The following POLL variants were observed in gnomAD, a reference collection of about 807,000 sequenced individuals.
POLL encodes DNA polymerase lambda.
Under a neutral mutation model 58.1 loss-of-function variants are expected in POLL, and 44 were observed. The ratio of observed to expected loss-of-function variants is 0.76; its 90% CI spans 0.60 to 0.97. POLL has a LOEUF of 0.97. Among genes scored for constraint, POLL ranks in the 50% least tolerant of loss-of-function variants. The probability of loss-of-function intolerance (pLI) is 0.00; values close to 1 mark genes in which losing one functional copy is unlikely to be tolerated. For synonymous variants in POLL, 290 were observed against 283.2 expected (o/e 1.02, Z -0.24); for missense variants, 632 against 736.8 (o/e 0.86, Z 1.65).
At chr10:101,585,835 T>C (rs771441454) in intron 3 of POLL, 27 bp downstream of exon 3, 2 of 1,502,174 alleles carry the variant, frequency 1.3e-6, no homozygotes, top group Non-Finnish European at 1.8e-6. Context: ...TAGAAAACAT[T>C]TGAAAAAAAG....
Position 101,585,308 on chromosome 10 carries a change from C to G in POLL, c.573+8G>C, listed in dbSNP as rs753733234. The G allele has an allele frequency of 6.5e-7, 1 of 1,537,900 alleles. No individual in the cohort carries two copies. The highest frequency in any genetic ancestry group is 2.3e-5 in the East Asian group (1 of 43,234). On this transcript the variant is annotated splice_region_variant and intron_variant, in intron 4 of 8. Coordinates refer to ENST00000370162, the MANE Select transcript of POLL (RefSeq NM_001174084.2). ...GAAGGGAGTTCTGAGGGATGGGAGG[C>G]TCCTGACCTGGGCTTGGGTGTTTGG... is the stretch of plus-strand genomic sequence containing the variant.
rs1217631497 is a variant in POLL, at chr10:101,580,588, C to A, written c.1195-172G>T. On this transcript the variant is annotated intron_variant, in intron 7 of 8. Coordinates refer to ENST00000370162, the MANE Select transcript of POLL (RefSeq NM_001174084.2). The surrounding 1 kb of genome is among the most constrained non-coding windows in gnomAD (Gnocchi z 4.1). ...GAGGAGCTGCTGTTCTTTCCCTTCG[C>A]TAGGACAGGAGAGAAGAAAAAGCTC... 6.6e-6 allele frequency: 4 copies of A among 604,896 alleles called. No individual in the cohort carries two copies. The highest frequency in any genetic ancestry group is 3.0e-5 in the Admixed American group (1 of 33,144). The allele number at this position is 604,896 out of a possible 1,614,324, so 37.5% of individuals were successfully genotyped here. A position where few individuals can be genotyped will look rare whatever the true frequency, so the allele number is the denominator to read the frequency against.
At position 101,579,430 on chromosome 10, in the gene POLL, T is replaced by C; in HGVS notation, c.*23A>G. ...AGGGGTAGCCAGTCCAACTCGGCTC[T>C]CCTCAGCACCCCCAGCCATGGGTCA... On this transcript the variant is annotated 3_prime_UTR_variant, in exon 9 of 9. Transcript: ENST00000370162. The surrounding 1 kb of genome is among the most constrained non-coding windows in gnomAD (Gnocchi z 4.4). 6.3e-7 allele frequency: 1 copy of C among 1,579,202 alleles called. No individual in the cohort carries two copies. Among genetic ancestry groups the C allele is most frequent in the Non-Finnish European group, 8.6e-7 (1 of 1,165,196 alleles).
chr10:101,586,533 G>A (rs965179633), intron 2 of POLL, among the ~76,000 whole-genome samples: 8 of 151,942 alleles, frequency 5.3e-5, no homozygotes, highest in Non-Finnish European at 1.0e-4. Context: ...TCACTCTGTC[G>A]CCCAGGCTGG....
At position 101,587,691 on chromosome 10, in the gene POLL, A is replaced by G. The variant is rs1272186903; in HGVS notation, c.-47+131T>C. The G allele has an allele frequency of 4.8e-6, 5 of 1,047,826 alleles. No individual in the cohort carries two copies. The Admixed American group carries it at 1.8e-4, about 38-fold the overall frequency. The allele number at this position is 1,047,826 out of a possible 1,614,324, so 64.9% of individuals were successfully genotyped here. On this transcript the variant is annotated intron_variant, in intron 1 of 8. Transcript: ENST00000370162. ...CTCAGAGGGGTTGCGCTAAAGATTC[A>G]GCACAGCCCTGCTGCGGCCCACTTC...
rs56381759 is a variant in POLL at position 101,587,634 on chromosome 10, G to C, written c.-47+188C>G. On this transcript the variant is annotated intron_variant, in intron 1 of 8. Coordinates refer to ENST00000370162, the MANE Select transcript of POLL (RefSeq NM_001174084.2). ...GAGGGGAAGGCTGGTGCCATCGGGG[G>C]TACTTTTGAGGAGTAGGAAACGACA... 1.5e-5 allele frequency: 15 copies of C among 968,692 alleles called. No homozygotes were observed. The Admixed American group carries it at 2.0e-4, about 13-fold the overall frequency. The allele number at this position is 968,692 out of a possible 1,614,324, so 60.0% of individuals were successfully genotyped here.
Position 101,579,575 on chromosome 10 carries a change from C to T in POLL, c.1606G>A (p.Val536Met), listed in dbSNP as rs544757979. The T allele has an allele frequency of 1.5e-5, 25 of 1,614,036 alleles. 1 individual carries two copies. The highest frequency in any genetic ancestry group is 8.3e-5 in the Admixed American group (5 of 60,028). ...TTGCAGCCATGGGTGTTCCGGACCA[C>T]AGCAGTGCTGAGGGCATGTTCTGAC... is the stretch of plus-strand genomic sequence containing the variant. ...SLSEHALSTA[V>M]VRNTHGCKVG... The change falls in exon 9 of 9, where the codon GTG (valine) becomes ATG (methionine). Residue 536 changes from valine (V) to methionine (M), a missense_variant. Physicochemically the swap from Val to Met is conservative, Grantham distance 21. Transcript: ENST00000370162. This position sits in a 1 kb window ranked among gnomAD's most constrained non-coding sequence, Gnocchi z 4.4.
In POLL at chr10:101,579,497, G is replaced by A. The variant is rs1233366741; in HGVS notation, c.1684C>T (p.Leu562Phe). Residue 562 changes from leucine (L) to phenylalanine (F), a missense_variant, in exon 9 of 9, where the codon CTC becomes TTC. By Grantham distance (22) the Leu-to-Phe change is conservative (BLOSUM62 0). Coordinates refer to ENST00000370162, the MANE Select transcript of POLL (RefSeq NM_001174084.2). The surrounding 1 kb of genome is among the most constrained non-coding windows in gnomAD (Gnocchi z 4.4). ...PTPTEKDVFR[L>F]LGLPYREPAE... ...GGTTCTCGGTAGGGGAGGCCTAAGA[G>A]CCTGAAGACATCCTTCTCAGTGGGA... is the stretch of plus-strand genomic sequence containing the variant. 1 of 1,613,394 alleles carries A rather than the reference G, an allele frequency of 6.2e-7. No individual in the cohort carries two copies. The highest frequency in any genetic ancestry group is 1.7e-5 in the Admixed American group (1 of 60,010).
Position 101,582,848 on chromosome 10 carries a change from G to A in POLL, c.1109C>T (p.Thr370Ile). The stretch of plus-strand genomic sequence containing the variant: ...CTTCAGGCCGATGGCCTGCTGGGTT[G>A]TCAGGGAGGCCTGGCTGCGGATGTC... ...LEDIRSQASL[T>I]TQQAIGLKHY... Residue 370 changes from threonine (T) to isoleucine (I), a missense_variant, in exon 7 of 9, where the codon ACA becomes ATA. Transcript: ENST00000370162. The A allele has an allele frequency of 6.2e-7, 1 of 1,614,196 alleles. No individual in the cohort carries two copies. Among genetic ancestry groups the A allele is most frequent in the Non-Finnish European group, 8.5e-7 (1 of 1,179,990 alleles).
intron 3 of POLL, 68 bp from the exon 4 acceptor site, chr10:101,585,546 G>A: frequency 7.4e-7 from 1 of 1,344,596 alleles, no homozygotes; most frequent in Non-Finnish European, 1.0e-6. Flanking sequence ...CAGTCCTTCT[G>A]TACTCTGAAA....
chr10:101,580,187 G>T lies in POLL; in HGVS notation c.1363+61C>A. The T allele has an allele frequency of 6.8e-7, 1 of 1,472,564 alleles. No individual in the cohort carries two copies. Among genetic ancestry groups the T allele is most frequent in the Non-Finnish European group, 9.2e-7 (1 of 1,082,536 alleles). 91.2% of individuals were successfully genotyped at this position (1,472,564 alleles called of 1,614,324 possible). ...GGAACTTCTGAGGTTCTCCCTCTGA[G>T]GGGGCCCCCAGACCTGTGCTGCCCT... On this transcript the variant is annotated intron_variant, in intron 8 of 8. Coordinates refer to ENST00000370162, the MANE Select transcript of POLL (RefSeq NM_001174084.2). The surrounding 1 kb of genome is among the most constrained non-coding windows in gnomAD (Gnocchi z 4.1).
At position 101,580,482 on chromosome 10, in the gene POLL, A is replaced by G. The variant is rs2062926207; in HGVS notation, c.1195-66T>C. On this transcript the variant is annotated intron_variant, in intron 7 of 8. Transcript: ENST00000370162. The surrounding 1 kb of genome is among the most constrained non-coding windows in gnomAD (Gnocchi z 4.1). ...GGAGCTCCTCTCCCACAGCAGTACA[A>G]GGGCCTTCCCAGACTCGGGCCCACA... The G allele has an allele frequency of 2.1e-6, 3 of 1,457,802 alleles. No individual in the cohort carries two copies. The highest frequency in any genetic ancestry group is 1.2e-5 in the South Asian group (1 of 82,652). The allele number at this position is 1,457,802 out of a possible 1,614,324, so 90.3% of individuals were successfully genotyped here.
At position 101,580,715 on chromosome 10, in the gene POLL, A is replaced by G. The variant is rs199502098; in HGVS notation, c.1195-299T>C. On this transcript the variant is annotated intron_variant, in intron 7 of 8. Coordinates refer to ENST00000370162, the MANE Select transcript of POLL (RefSeq NM_001174084.2). This position sits in a 1 kb window ranked among gnomAD's most constrained non-coding sequence, Gnocchi z 4.1. ...CCTGTGGAGCTCTTTAAGAGTAGGG[A>G]GACACAGACTCTCTCTGCCCCTGCC... The G allele has an allele frequency of 1.7e-4, 51 of 302,148 alleles. No homozygotes were observed. In the East Asian group the frequency reaches 3.5e-3, roughly 21 times the overall value. 18.7% of individuals were successfully genotyped at this position (302,148 alleles called of 1,614,324 possible).
At position 101,584,664 on chromosome 10, in the gene POLL, G is replaced by T. The variant is rs372482299; in HGVS notation, c.829C>A (p.Leu277Met). ...GCATTGATGGCCTTGGCATAGCCCA[G>T]GGCCCTCCACTTGTCTCCCTGAACA... ...YSVQGDKWRA[L>M]GYAKAINALK... Residue 277 changes from leucine to methionine, a missense_variant, in exon 5 of 9, where the codon CTG (leucine) becomes ATG (methionine). Transcript: ENST00000370162. The T allele has an allele frequency of 6.8e-6, 11 of 1,612,788 alleles. No individual in the cohort carries two copies. In the African/African-American group the frequency reaches 1.5e-4, roughly 22 times the overall value.
In POLL at chr10:101,585,301, TGGGAGG is replaced by T. The variant is rs777072938; in HGVS notation, c.573+9_573+14del. ...CCTAGGGGAAGGGAGTTCTGAGGGA[TGGGAGG>T]CTCCTGACCTGGGCTTGGGTGTTTG... is the stretch of plus-strand genomic sequence containing the variant. On this transcript the variant is annotated intron_variant, in intron 4 of 8. Coordinates refer to ENST00000370162, the MANE Select transcript of POLL (RefSeq NM_001174084.2). The T allele has an allele frequency of 3.4e-5, 51 of 1,517,022 alleles. No individual in the cohort carries two copies. The highest frequency in any genetic ancestry group is 4.5e-5 in the Non-Finnish European group (51 of 1,132,092). 94.0% of individuals were successfully genotyped at this position (1,517,022 alleles called of 1,614,324 possible).
chr10:101,585,531 G>T, intron 3 of POLL, 53 bp from the exon 4 acceptor site: 2 of 1,396,462 alleles, frequency 1.4e-6, no homozygotes, highest in Non-Finnish European at 1.9e-6. Flanking sequence ...CCCTGTATCT[G>T]TCCCCAGTCC....
Position 101,586,183 on chromosome 10 carries a change from CTGTTG to C in POLL, c.116-32_116-28del, listed in dbSNP as rs3730462. 0.27 allele frequency: 427,417 copies of C among 1,587,174 alleles called. 60,288 individuals carry two copies. Among genetic ancestry groups the C allele is most frequent in the Non-Finnish European group, 0.3 (345,371 of 1,163,240 alleles). On this transcript the variant is annotated intron_variant, in intron 2 of 8. Coordinates refer to ENST00000370162, the MANE Select transcript of POLL (RefSeq NM_001174084.2). Reference sequence around the variant, plus strand: ...TGTGGAAGGAACATCCAGATGACTACTGTTGTAACTTTTTAATTTTTATCTGCCAC... The same window carrying C: ...TGTGGAAGGAACATCCAGATGACTACTAACTTTTTAATTTTTATCTGCCAC...
Position 101,579,719 on chromosome 10 carries a change from G to A in POLL, c.1462C>T (p.Arg488Cys), listed in dbSNP as rs765414948. The A allele has an allele frequency of 2.7e-5, 43 of 1,613,572 alleles. No individual in the cohort carries two copies. The highest frequency in any genetic ancestry group is 1.8e-4 in the Admixed American group (11 of 60,002). Residue 488 changes from arginine (R) to cysteine (C), a missense_variant, in exon 9 of 9, where the codon CGC (arginine) becomes TGC (cysteine). Coordinates refer to ENST00000370162, the MANE Select transcript of POLL (RefSeq NM_001174084.2). This position sits in a 1 kb window ranked among gnomAD's most constrained non-coding sequence, Gnocchi z 4.4. Reference sequence around the variant, plus strand: ...TAGGGCACCACGATGATGTCCAGGCGCCGGTGCCGCCGCCCTGGCCCTGGG... The same window carrying A: ...TAGGGCACCACGATGATGTCCAGGCACCGGTGCCGCCGCCCTGGCCCTGGG... ...RLPGPGRRHR[R>C]LDIIVVPYSE...
At chr10:101,584,199 G>A (rs924857069) in intron 5 of POLL, among the ~76,000 whole-genome samples, 5 of 152,044 alleles carry the variant, frequency 3.3e-5, no homozygotes, top group South Asian at 2.1e-4. Context: ...CTTTTTAGGC[G>A]GGACACAAGG....
Sources: gnomAD v4.1 joint callset for allele counts (sites outside exome capture counted in the v4.1 genomes callset) on GRCh38, gnomAD v4.1.1 for gene constraint, Gnocchi (gnomAD v3.1) non-coding constraint, MANE v1.5 for transcripts, NCBI Gene and HGNC (gene_info 2026-07-23, HGNC 2026-07-21) for gene names.